The following THSD4 variants were observed in gnomAD, a reference collection of about 807,000 sequenced individuals.
THSD4 encodes the protein thrombospondin type-1 domain-containing protein 4.
In THSD4, 69 loss-of-function variants were observed where a neutral mutation model predicts 119.0. The observed-to-expected ratio is 0.58, with a 90% CI of 0.48 to 0.71. THSD4 has a LOEUF of 0.71. Among genes scored for constraint, THSD4 ranks in the 30% least tolerant of loss-of-function variants. The probability of loss-of-function intolerance (pLI) is 0.00; values close to 1 mark genes in which losing one functional copy is unlikely to be tolerated. For missense variants in THSD4, 1,393 were observed against 1,391.1 expected, an observed-to-expected ratio of 1.00 and a Z score of -0.02; for synonymous variants, 524 against 540.4, an observed-to-expected ratio of 0.97 and a Z score of 0.42.
At chr15:71,500,944 G>T (rs968363543) in intron 7 of THSD4, among the ~76,000 whole-genome samples, 1 of 152,140 alleles carries the variant, frequency 6.6e-6, no homozygotes, top group Non-Finnish European at 1.5e-5. Flanking sequence ...TCTCAAGATC[G>T]TTTTGTCTAT....
chr15:71,249,391 AGTT>A (rs1026411900), intron 5 of THSD4, among the ~76,000 whole-genome samples: 1 of 150,114 alleles, frequency 6.7e-6, no homozygotes, highest in African/African-American at 2.5e-5. Flanking sequence ...GATTATAGAA[AGTT>A]GTTCTCTTAT....
In THSD4 at chr15:71,101,111, C is replaced by A. The variant is rs150378381; in HGVS notation, c.-80+4105C>A. Among the ~76,000 whole-genome samples the A allele has an allele frequency of 1.1e-4, 17 of 152,052 alleles. No individual in the cohort carries two copies. The East Asian group carries it at 3.1e-3, about 28-fold the overall frequency. The stretch of plus-strand genomic sequence containing the variant: ...TTGTTTCTTCTGATTTTCATTTTCC[C>A]TTTCCTACTTTCTTCTGAAATATTT... On this transcript the variant is annotated intron_variant, in intron 1 of 17. Coordinates refer to the THSD4 transcript ENST00000355327.
At chr15:71,381,078 G>T (rs1245016074) in intron 6 of THSD4, among the ~76,000 whole-genome samples, 1 of 152,062 alleles carries the variant, frequency 6.6e-6, no homozygotes, top group African/African-American at 2.4e-5. Context: ...GACCATTTTA[G>T]CAAGCTTAGA....
chr15:71,635,700 C>A (rs1452587934), intron 7 of THSD4, among the ~76,000 whole-genome samples: 8 of 152,200 alleles, frequency 5.3e-5, no homozygotes, highest in African/African-American at 1.9e-4. Context: ...TACTAATTTT[C>A]TCCCAGCTGC....
chr15:71,755,988 T>C (rs2053532089), intron 14 of THSD4, among the ~76,000 whole-genome samples: 1 of 152,234 alleles, frequency 6.6e-6, no homozygotes, highest in Admixed American at 6.5e-5. Context: ...ATAGCCACTC[T>C]GAGTCTGTCC....
At chr15:71,761,384 A>G (rs896647291) in intron 15 of THSD4, among the ~76,000 whole-genome samples, 3 of 152,140 alleles carry the variant, frequency 2.0e-5, no homozygotes, top group East Asian at 3.8e-4. Context: ...TCAATCTACA[A>G]TATCTCCAAA....
intron 7 of THSD4, among the ~76,000 whole-genome samples, chr15:71,494,523 T>G (rs1005400596): frequency 1.3e-5 from 2 of 152,192 alleles, no homozygotes; most frequent in Non-Finnish European, 2.9e-5. Context: ...TGTTTCCTAT[T>G]TACTTTTCCA....
At chr15:71,699,769 G>T (rs542686066) in intron 8 of THSD4, among the ~76,000 whole-genome samples, 1 of 152,086 alleles carries the variant, frequency 6.6e-6, no homozygotes, top group Non-Finnish European at 1.5e-5. Context: ...AGGGCTTTGT[G>T]GGGGGCAAAT....
intron 6 of THSD4, among the ~76,000 whole-genome samples, chr15:71,293,239 C>CT (rs1430952004): frequency 4.6e-5 from 7 of 152,080 alleles, no homozygotes; most frequent in South Asian, 2.1e-4. Context: ...TTTGAGCTAT[C>CT]TTTTTTTGTT....
chr15:71,390,374 C>T (rs989701651), intron 6 of THSD4, among the ~76,000 whole-genome samples: 19 of 152,176 alleles, frequency 1.2e-4, no homozygotes, highest in African/African-American at 4.3e-4. Context: ...AATAGGAAAC[C>T]AAGATGGAAA....
chr15:71,754,951 A>G (rs1449901671), intron 14 of THSD4, among the ~76,000 whole-genome samples: 3 of 152,236 alleles, frequency 2.0e-5, no homozygotes, highest in Admixed American at 6.5e-5. Context: ...TAAGAAAAAT[A>G]TGGGGGAAAT....
rs762459955 is a variant in THSD4, at chr15:71,535,998, C to A, written c.1152+124175C>A. On this transcript the variant is annotated intron_variant, in intron 7 of 17. Transcript: ENST00000261862. ...TTTGGTGTTACACCTATAAAACCAT[C>A]ACCTAACCCAAGCTCATGAAGTTGC... Among the ~76,000 whole-genome samples the A allele has an allele frequency of 3.3e-5, 5 of 152,308 alleles. No individual in the cohort carries two copies. In the South Asian group the frequency reaches 1.0e-3, roughly 32 times the overall value.
intron 7 of THSD4, among the ~76,000 whole-genome samples, chr15:71,587,787 T>TAAAAAAAAAAAAAAGAA (rs1207231444): frequency 9.5e-6 from 1 of 105,554 alleles, no homozygotes; most frequent in Non-Finnish European, 1.9e-5. Context: ...AAAAAAAAAT[T>TAAAAAAAAAAAAAAGAA]AAAAAAAAAA....
chr15:71,513,898 G>T (rs902030269), intron 7 of THSD4, among the ~76,000 whole-genome samples: 1 of 152,170 alleles, frequency 6.6e-6, no homozygotes, highest in African/African-American at 2.4e-5. Flanking sequence ...ACATTATGTT[G>T]ATCAAAAGAA....
intron 7 of THSD4, among the ~76,000 whole-genome samples, chr15:71,485,088 G>A (rs759033805): frequency 6.6e-6 from 1 of 152,138 alleles, no homozygotes; most frequent in Non-Finnish European, 1.5e-5. Flanking sequence ...AAGAAAGAGG[G>A]CTGGGCTGAC....
intron 7 of THSD4, among the ~76,000 whole-genome samples, chr15:71,572,847 G>A (rs1016031460): frequency 6.6e-6 from 1 of 152,156 alleles, no homozygotes; most frequent in African/African-American, 2.4e-5. Context: ...GGTCATTCCA[G>A]GAAAGGCAAA....
At chr15:71,566,286 C>A (rs1199890330) in intron 7 of THSD4, among the ~76,000 whole-genome samples, 2 of 151,772 alleles carry the variant, frequency 1.3e-5, no homozygotes. Flanking sequence ...AAAATGCAAA[C>A]TACTTTTGAA....
chr15:71,350,752 G>A (rs976599001), intron 6 of THSD4, among the ~76,000 whole-genome samples: 13 of 151,978 alleles, frequency 8.6e-5, no homozygotes, highest in Admixed American at 8.5e-4. Context: ...TTGGGGGAGG[G>A]CACATGGAAA....
rs577271758 is a variant in THSD4, at chr15:71,378,664, C to G, written c.1016-33023C>G. Among the ~76,000 whole-genome samples the G allele has an allele frequency of 3.9e-5, 6 of 152,334 alleles. No homozygotes were observed. The East Asian group carries it at 1.2e-3, about 29-fold the overall frequency. On this transcript the variant is annotated intron_variant, in intron 6 of 17. Coordinates refer to ENST00000261862, the MANE Select transcript of THSD4 (RefSeq NM_024817.3). ...GCTTTAGTTTTTTTAGTGGAATAAG[C>G]TTAAATATTAGCCATAATTAAAGCA...
Sources: allele counts gnomAD v4.1 joint callset (sites outside exome capture counted in the v4.1 genomes callset), GRCh38; gene constraint gnomAD v4.1.1; transcripts MANE v1.5; gene names NCBI Gene and HGNC (gene_info 2026-07-23, HGNC 2026-07-21).